The following SOX5 variants were observed in gnomAD, a reference collection of about 807,000 sequenced individuals.
The protein encoded by SOX5 is SRY-box transcription factor 5.
Under a neutral mutation model 92.0 loss-of-function variants are expected in SOX5, and 9 were observed. That is an observed-to-expected ratio of 0.10 (90% CI 0.06 to 0.17). The LOEUF (loss-of-function observed/expected upper bound fraction) is 0.17. Among genes scored for constraint, SOX5 ranks in the 10% least tolerant of loss-of-function variants. The pLI is 1.00. For missense variants in SOX5, 642 were observed against 944.5 expected (o/e 0.68, Z 4.20); for synonymous variants, 344 against 336.3 (o/e 1.02, Z -0.25).
intron 6 of SOX5, among the ~76,000 whole-genome samples, chr12:23,681,559 CA>C (rs2086633043): frequency 6.6e-6 from 1 of 151,436 alleles, no homozygotes; most frequent in African/African-American, 2.4e-5. Flanking sequence ...ATCTATCAGG[CA>C]AATATTAACC....
At chr12:24,385,986 A>G (rs1958373256) in intron 1 of SOX5, among the ~76,000 whole-genome samples, 1 of 151,796 alleles carries the variant, frequency 6.6e-6, no homozygotes, top group Non-Finnish European at 1.5e-5. Context: ...TAAATTTAAA[A>G]GATCAAATGT....
At position 23,727,091 on chromosome 12, in the gene SOX5, G is replaced by GA. The variant is rs2093174227; in HGVS notation, c.810+7592dup. Among the ~76,000 whole-genome samples the GA allele has an allele frequency of 4.6e-5, 7 of 152,126 alleles. No homozygotes were observed. In the South Asian group the frequency reaches 1.5e-3, roughly 32 times the overall value. On this transcript the variant is annotated intron_variant, in intron 6 of 14. Coordinates refer to ENST00000451604, the MANE Select transcript of SOX5 (RefSeq NM_006940.6). ...TTGAGATTCCAGATAAAAAGCAAAA[G>GA]AAAAAATGTCCTTCCATTAAATGCA...
At chr12:23,636,667 A>T (rs1052998342) in intron 8 of SOX5, among the ~76,000 whole-genome samples, 56 of 152,230 alleles carry the variant, frequency 3.7e-4, no homozygotes, top group Non-Finnish European at 7.9e-4. Context: ...GAAAATTCAG[A>T]GTCCGAAGTA....
chr12:23,910,061 T>C (rs1227952500), intron 1 of SOX5, among the ~76,000 whole-genome samples: 1 of 152,138 alleles, frequency 6.6e-6, no homozygotes, highest in East Asian at 1.9e-4. Context: ...TGAAAACATT[T>C]TTAAAGGCTA....
intron 1 of SOX5, among the ~76,000 whole-genome samples, chr12:23,945,260 G>T (rs937114208): frequency 6.6e-6 from 1 of 152,102 alleles, no homozygotes; most frequent in Non-Finnish European, 1.5e-5. Context: ...TGTATGATGC[G>T]TATACAAGAT....
Position 24,179,584 on chromosome 12 carries a change from T to C in SOX5, c.-2+33759A>G, listed in dbSNP as rs1038967669. ...TTGTGTTTTTGCATCCCATCATGTA[T>C]ACAAAATGCCCATCTGTGTCTCCTG... On this transcript the variant is annotated intron_variant, in intron 4 of 4. Coordinates refer to the SOX5 transcript ENST00000446891. Among the ~76,000 whole-genome samples, 8 of 152,338 alleles carry C rather than the reference T, an allele frequency of 5.3e-5. 1 individual carries two copies. In the South Asian group the frequency reaches 1.7e-3, roughly 32 times the overall value.
chr12:24,192,027 T>G (rs115812734), intron 4 of SOX5, among the ~76,000 whole-genome samples: 1 of 152,256 alleles, frequency 6.6e-6, no homozygotes, highest in African/African-American at 2.4e-5. Context: ...ATAAAAGTAC[T>G]ATATTCTAGC....
chr12:24,536,979 T>C (rs977849361), intron 1 of SOX5, among the ~76,000 whole-genome samples: 2 of 152,204 alleles, frequency 1.3e-5, no homozygotes, highest in African/African-American at 4.8e-5. Flanking sequence ...CACAATAATA[T>C]TAGCTTTTCA....
intron 4 of SOX5, among the ~76,000 whole-genome samples, chr12:24,025,047 T>C (rs1418943353): frequency 2.0e-5 from 3 of 151,992 alleles, no homozygotes; most frequent in Non-Finnish European, 4.4e-5. Context: ...AAACTTGCAA[T>C]GACTTGAGAA....
intron 6 of SOX5, among the ~76,000 whole-genome samples, chr12:23,673,748 A>T (rs1324159873): frequency 6.6e-6 from 1 of 152,088 alleles, no homozygotes; most frequent in Non-Finnish European, 1.5e-5. Context: ...AAATCTCAAA[A>T]ATTACCAAAT....
At chr12:24,255,191 C>T (rs1940933885) in intron 3 of SOX5, among the ~76,000 whole-genome samples, 1 of 152,048 alleles carries the variant, frequency 6.6e-6, no homozygotes, top group African/African-American at 2.4e-5. Flanking sequence ...AATGTTAATG[C>T]ACTAGATATA....
chr12:24,502,668 T>C (rs761162511), intron 1 of SOX5, among the ~76,000 whole-genome samples: 9 of 152,084 alleles, frequency 5.9e-5, no homozygotes, highest in Non-Finnish European at 1.2e-4. Context: ...AAGAAGCAAA[T>C]ATTTGCATAG....
intron 5 of SOX5, among the ~76,000 whole-genome samples, chr12:23,739,960 T>G (rs2093736825): frequency 6.6e-6 from 1 of 152,244 alleles, no homozygotes; most frequent in African/African-American, 2.4e-5. Flanking sequence ...TTTAAGGGCT[T>G]TGTCTCTCTG....
At chr12:24,263,740 CTAAGA>C (rs1271484275) in intron 3 of SOX5, among the ~76,000 whole-genome samples, 2 of 152,204 alleles carry the variant, frequency 1.3e-5, no homozygotes. Context: ...ATATATGTAA[CTAAGA>C]TAAATTTGCT....
At chr12:23,621,611 G>T (rs1182029955) in intron 8 of SOX5, among the ~76,000 whole-genome samples, 1 of 151,980 alleles carries the variant, frequency 6.6e-6, no homozygotes, top group Non-Finnish European at 1.5e-5. Context: ...GTGCAAAGGG[G>T]GGAAGAAATA....
intron 2 of SOX5, among the ~76,000 whole-genome samples, chr12:24,325,500 C>A (rs1950592548): frequency 1.3e-5 from 2 of 152,070 alleles, no homozygotes; most frequent in Non-Finnish European, 2.9e-5. Flanking sequence ...CACAATGAGC[C>A]TTGATTTAGA....
intron 2 of SOX5, among the ~76,000 whole-genome samples, chr12:24,316,300 C>A (rs1949693571): frequency 6.6e-6 from 1 of 152,106 alleles, no homozygotes; most frequent in Non-Finnish European, 1.5e-5. Context: ...CACTTTCTAC[C>A]ACCAAGGGAC....
chr12:24,429,089 G>A (rs1175610000), intron 1 of SOX5, among the ~76,000 whole-genome samples: 2 of 152,032 alleles, frequency 1.3e-5, no homozygotes, highest in East Asian at 1.9e-4. Context: ...AGGCCAAGAC[G>A]GGAGGATCAC....
At chr12:23,560,657 C>T (rs1946051435) in intron 11 of SOX5, among the ~76,000 whole-genome samples, 1 of 152,132 alleles carries the variant, frequency 6.6e-6, no homozygotes, top group Non-Finnish European at 1.5e-5. Flanking sequence ...TAATACAATA[C>T]CTCCAGTACC....
Sources: allele counts gnomAD v4.1 joint callset (sites outside exome capture counted in the v4.1 genomes callset), GRCh38; gene constraint gnomAD v4.1.1; transcripts MANE v1.5; gene names NCBI Gene and HGNC (gene_info 2026-07-23, HGNC 2026-07-21).